The following METTL9 variants were observed in gnomAD, a reference collection of about 807,000 sequenced individuals.
The protein encoded by METTL9 is protein-L-histidine N-pros-methyltransferase.
In METTL9, 10 loss-of-function variants were observed where a neutral mutation model predicts 36.0. The ratio of observed to expected loss-of-function variants is 0.28; its 90% CI spans 0.17 to 0.47. METTL9 has a LOEUF of 0.47. METTL9 is among the 20% of genes least tolerant of loss of function. The pLI, the probability that METTL9 is intolerant of heterozygous loss-of-function variation, is 0.99. For synonymous variants in METTL9, 175 were observed against 149.7 expected, an observed-to-expected ratio of 1.17 and a Z score of -1.23; for missense variants, 246 against 383.5, an observed-to-expected ratio of 0.64 and a Z score of 3.00.
chr16:21,604,271 C>T (rs1249876912), intron 1 of METTL9, among the ~76,000 whole-genome samples: 5 of 152,170 alleles, frequency 3.3e-5, no homozygotes, highest in South Asian at 4.1e-4. Flanking sequence ...GCTTCAGTTT[C>T]ACAGAACACT....
chr16:21,629,821 G>C (rs1374691789), intron 4 of METTL9, among the ~76,000 whole-genome samples: 3 of 151,736 alleles, frequency 2.0e-5, no homozygotes, highest in Non-Finnish European at 4.4e-5. Flanking sequence ...CCATTTTACA[G>C]AGAGCTGATT....
At chr16:21,625,461 A>AAAT (rs1394195978) in intron 4 of METTL9, among the ~76,000 whole-genome samples, 1 of 152,182 alleles carries the variant, frequency 6.6e-6, no homozygotes, top group Non-Finnish European at 1.5e-5. Context: ...CAGTGCCTTT[A>AAAT]AATCTGGTCG....
At chr16:21,628,654 C>G (rs956187539) in intron 4 of METTL9, among the ~76,000 whole-genome samples, 2 of 152,004 alleles carry the variant, frequency 1.3e-5, no homozygotes, top group Admixed American at 1.3e-4. Flanking sequence ...CCACCACACC[C>G]ATCTAACTTT....
At position 21,612,742 on chromosome 16, in the gene METTL9, G is replaced by C; in HGVS notation, c.263G>C (p.Ser88Thr). The C allele has an allele frequency of 1.2e-6, 2 of 1,612,608 alleles. No individual in the cohort carries two copies. Among genetic ancestry groups the C allele is most frequent in the Non-Finnish European group, 1.7e-6 (2 of 1,179,712 alleles). The change falls in exon 2 of 5, where the codon AGC becomes ACC. Residue 88 changes from serine (S) to threonine (T), a missense_variant. Transcript: ENST00000358154. ...DQGTQIFLNN[S>T]IEKSGWLFIQ... ...GGAACACAGATCTTCTTAAACAACA[G>C]CATTGAGAAATCGGGCTGGCTATTT...
At chr16:21,636,756 C>T (rs1966106175) in intron 4 of METTL9, among the ~76,000 whole-genome samples, 1 of 152,176 alleles carries the variant, frequency 6.6e-6, no homozygotes, top group African/African-American at 2.4e-5. Context: ...AAGCCTGACA[C>T]CCATGTCTTT....
chr16:21,647,873 C>T (rs749702742), intron 4 of METTL9, among the ~76,000 whole-genome samples: 2 of 152,184 alleles, frequency 1.3e-5, no homozygotes, highest in Non-Finnish European at 2.9e-5. Context: ...GCTTTCTTGT[C>T]CGCACCCTGG....
chr16:21,625,971 C>G (rs1965805883), intron 4 of METTL9, among the ~76,000 whole-genome samples: 1 of 152,136 alleles, frequency 6.6e-6, no homozygotes, highest in Non-Finnish European at 1.5e-5. Context: ...GATCTTGGCT[C>G]ACTGCAACCT....
At chr16:21,643,467 A>T in intron 4 of METTL9, 2 of 899,744 alleles carry the variant, frequency 2.2e-6, no homozygotes, top group Admixed American at 2.6e-5. Context: ...TTAAATATTT[A>T]AAAGCTAAAA....
intron 2 of METTL9, among the ~76,000 whole-genome samples, chr16:21,614,083 C>T (rs1965497708): frequency 6.6e-6 from 1 of 152,120 alleles, no homozygotes; most frequent in Non-Finnish European, 1.5e-5. Context: ...CAAGATTTCT[C>T]AGTTGATTTT....
intron 4 of METTL9, among the ~76,000 whole-genome samples, chr16:21,637,723 C>T (rs955724841): frequency 1.3e-5 from 2 of 152,236 alleles, no homozygotes; most frequent in Non-Finnish European, 2.9e-5. Context: ...GCGCGCAGCC[C>T]GGCTCCTGCC....
rs3046231 is a variant in METTL9 at position 21,605,257 on chromosome 16, C to CTTTTTTTTTTTTTTTTTTTTTTTTTTT, written c.165+5372_165+5398dup. 1.4e-4 allele frequency among the ~76,000 whole-genome samples: 7 copies of CTTTTTTTTTTTTTTTTTTTTTTTTTTT among 51,236 alleles called. 1 individual carries two copies. The highest frequency in any genetic ancestry group is 7.0e-4 in the East Asian group (1 of 1,422). The allele number at this position is 51,236 out of a possible 152,430, so 33.6% of individuals were successfully genotyped here. On this transcript the variant is annotated intron_variant, in intron 1 of 4. Coordinates refer to ENST00000358154, the MANE Select transcript of METTL9 (RefSeq NM_016025.5). ...GGGGTGGTAAAAATAGGCTTGCCTT[C>CTTTTTTTTTTTTTTTTTTTTTTTTTTT]TTTTTTTTTTTTTTTTTTTTTTTTT...
At chr16:21,624,883 G>C in intron 3 of METTL9, 48 bp from the exon 4 acceptor site, 2 of 1,522,980 alleles carry the variant, frequency 1.3e-6, no homozygotes, top group Non-Finnish European at 1.8e-6. Context: ...TTTTAAAGAT[G>C]TCTTTAGAGG....
chr16:21,603,740 A>T (rs1017495036), intron 1 of METTL9, among the ~76,000 whole-genome samples: 6 of 152,148 alleles, frequency 3.9e-5, no homozygotes, highest in African/African-American at 1.4e-4. Context: ...AAAAATTGTT[A>T]TAGAACTCGC....
chr16:21,623,397 T>C (rs1297097711), intron 3 of METTL9, among the ~76,000 whole-genome samples: 1 of 152,230 alleles, frequency 6.6e-6, no homozygotes, highest in Non-Finnish European at 1.5e-5. Flanking sequence ...ATTATACTTT[T>C]AGAATTTTCT....
rs555427745 is a variant in METTL9, at chr16:21,644,229, A to G, written c.752-10998A>G. On this transcript the variant is annotated intron_variant, in intron 4 of 4. Coordinates refer to ENST00000358154, the MANE Select transcript of METTL9 (RefSeq NM_016025.5). ...CATAACTTGTGGAGAGATAGAAATT[A>G]TTTTTCTTTTGATAATATTCAAGGA... The G allele has an allele frequency of 7.5e-6, 9 of 1,195,304 alleles. No homozygotes were observed. The African/African-American group carries it at 1.2e-4, about 16-fold the overall frequency. 74.0% of individuals were successfully genotyped at this position (1,195,304 alleles called of 1,614,324 possible).
intron 4 of METTL9, chr16:21,643,100 T>C (rs1311008532): frequency 6.2e-7 from 1 of 1,608,614 alleles, no homozygotes; most frequent in Admixed American, 1.7e-5. Context: ...TCCACATGTC[T>C]CTTATGGTAT....
chr16:21,632,599 G>A lies in METTL9; in HGVS notation c.751+7484G>A, dbSNP rs182994491. ...TTGAGGGCCACGCACATACGTATTT[G>A]AAGCACTGGTCCCTCAAGGAGTAGT... On this transcript the variant is annotated intron_variant, in intron 4 of 4. Transcript: ENST00000358154. Among the ~76,000 whole-genome samples, 4 of 152,248 alleles carry A rather than the reference G, an allele frequency of 2.6e-5. No individual in the cohort carries two copies. The East Asian group carries it at 7.7e-4, about 29-fold the overall frequency.
upstream of METTL9, chr16:21,597,209 T>C (rs1964964255): frequency 3.2e-6 from 4 of 1,247,268 alleles, no homozygotes; most frequent in South Asian, 5.0e-5. Flanking sequence ...TTTCTCCTCA[T>C]TTGTAATTCA....
intron 3 of METTL9, 44 bp downstream of exon 3, chr16:21,618,118 A>G (rs2152894691): frequency 7.4e-7 from 1 of 1,350,020 alleles, no homozygotes. Flanking sequence ...TTGAAAGTAT[A>G]TTATTTAAAG....
Sources: gnomAD v4.1 joint callset for allele counts (sites outside exome capture counted in the v4.1 genomes callset) on GRCh38, gnomAD v4.1.1 for gene constraint, MANE v1.5 for transcripts, NCBI Gene and HGNC (gene_info 2026-07-23, HGNC 2026-07-21) for gene names.